The following GARRE1 variants were observed in gnomAD, a reference collection of about 807,000 sequenced individuals.
GARRE1 encodes granule associated Rac and RHOG effector protein 1.
GARRE1 carries 49 observed loss-of-function variants against 103.2 expected under a neutral mutation model. The ratio of observed to expected loss-of-function variants is 0.47; its 90% confidence interval spans 0.38 to 0.60. GARRE1 has a LOEUF of 0.60. Ranked by LOEUF, GARRE1 falls within the 20% of genes least tolerant of loss-of-function variation. The pLI is 0.00. For synonymous variants in GARRE1, 505 were observed against 532.8 expected, an observed-to-expected ratio of 0.95 and a Z score of 0.72; for missense variants, 1,199 against 1,370.5, an observed-to-expected ratio of 0.87 and a Z score of 1.98.
At chr19:34,256,138 C>A (rs1253158280) in intron 1 of GARRE1, among the ~76,000 whole-genome samples, 5 of 151,760 alleles carry the variant, frequency 3.3e-5, no homozygotes, top group Admixed American at 6.6e-5. Context: ...CGTGTCCGGC[C>A]GTAACGTTCA....
chr19:34,267,496 G>A (rs752692510), intron 1 of GARRE1, among the ~76,000 whole-genome samples: 9 of 151,706 alleles, frequency 5.9e-5, no homozygotes, highest in Non-Finnish European at 1.0e-4. Context: ...ATGAGCCACC[G>A]TGCCCAGCCA....
chr19:34,302,981 G>A (rs898413669), intron 2 of GARRE1, among the ~76,000 whole-genome samples: 1 of 151,870 alleles, frequency 6.6e-6, no homozygotes, highest in African/African-American at 2.4e-5. Flanking sequence ...CTGAGCTTAG[G>A]CAATCCACCC....
At chr19:34,324,847 C>T (rs1241982596) in intron 3 of GARRE1, among the ~76,000 whole-genome samples, 1 of 152,034 alleles carries the variant, frequency 6.6e-6, no homozygotes, top group Non-Finnish European at 1.5e-5. Context: ...AGCGTGTGAT[C>T]CTTGTGCATA....
rs1027867906 is a variant in GARRE1 at position 34,336,422 on chromosome 19, C to CT, written c.1361+2630dup. ...TGTAAGATTTTTGTGTTACTAAATT[C>CT]TTTTTTTTTCTTTTGTAGTCAGTGT... On this transcript the variant is annotated intron_variant, in intron 8 of 13. Coordinates refer to ENST00000299505, the MANE Select transcript of GARRE1 (RefSeq NM_014686.5). Among the ~76,000 whole-genome samples, 44 of 148,568 alleles carry CT rather than the reference C, an allele frequency of 3.0e-4. No individual in the cohort carries two copies. The East Asian group carries it at 7.1e-3, about 24-fold the overall frequency.
intron 3 of GARRE1, among the ~76,000 whole-genome samples, chr19:34,325,815 T>G (rs148196445): frequency 0.015 from 2,223 of 152,240 alleles, 24 homozygotes; most frequent in South Asian, 0.026. Flanking sequence ...GGATGTGTCT[T>G]TCTTTGTTAC....
chr19:34,298,425 A>G (rs555180681), intron 1 of GARRE1, among the ~76,000 whole-genome samples: 35 of 151,230 alleles, frequency 2.3e-4, no homozygotes, highest in Middle Eastern at 3.4e-3. Context: ...AAAAAAAAAA[A>G]AAGTTGGCCA....
At chr19:34,348,896 G>A (rs1206471440) in intron 11 of GARRE1, 120 bp from the exon 12 acceptor site, 2 of 1,151,322 alleles carry the variant, frequency 1.7e-6, no homozygotes, top group African/African-American at 3.1e-5. Flanking sequence ...AGAAGGGAGA[G>A]ACAAGAGACC....
chr19:34,257,160 CTTTT>C (rs71165639), intron 1 of GARRE1, among the ~76,000 whole-genome samples: 5 of 149,888 alleles, frequency 3.3e-5, no homozygotes, highest in Non-Finnish European at 7.4e-5. Context: ...TTTAAGCATC[CTTTT>C]TTTTTTTTTT....
intron 1 of GARRE1, chr19:34,296,153 T>TA (rs1436571358): frequency 2.7e-5 from 5 of 186,030 alleles, no homozygotes; most frequent in African/African-American, 1.8e-4. Context: ...GATCCCTCGC[T>TA]TTTTTTTTTT....
At chr19:34,334,470 G>A (rs747096585) in intron 8 of GARRE1, among the ~76,000 whole-genome samples, 14 of 151,980 alleles carry the variant, frequency 9.2e-5, no homozygotes, top group African/African-American at 2.7e-4. Context: ...AGGCCAAGGC[G>A]GGCAGATCGC....
At position 34,342,458 on chromosome 19, in the gene GARRE1, A is replaced by G; in HGVS notation, c.2521+3A>G. Reference sequence around the variant, plus strand: ...GATTCTGCCTTTTGATCCTGCAGGTATGTGAGGCCTCCCATCCCTCGCCCA... The same window carrying G: ...GATTCTGCCTTTTGATCCTGCAGGTGTGTGAGGCCTCCCATCCCTCGCCCA... On this transcript the variant is annotated splice_donor_region_variant and intron_variant, in intron 10 of 13. Coordinates refer to ENST00000299505, the MANE Select transcript of GARRE1 (RefSeq NM_014686.5). 2 of 1,604,680 alleles carry G rather than the reference A, an allele frequency of 1.2e-6. No homozygotes were observed. The highest frequency in any genetic ancestry group is 1.7e-6 in the Non-Finnish European group (2 of 1,174,024).
chr19:34,256,189 T>C (rs577746174), intron 1 of GARRE1, among the ~76,000 whole-genome samples: 1 of 152,038 alleles, frequency 6.6e-6, no homozygotes, highest in African/African-American at 2.4e-5. Flanking sequence ...TTTGACATAT[T>C]TGGACAATTT....
chr19:34,330,901 A>ATT (rs35469834), intron 7 of GARRE1, among the ~76,000 whole-genome samples: 1 of 138,396 alleles, frequency 7.2e-6, no homozygotes. Context: ...CATCTGGCTA[A>ATT]TTTTTTTTTT....
chr19:34,336,470 T>C (rs1599779035), intron 8 of GARRE1, among the ~76,000 whole-genome samples: 1 of 18,654 alleles, frequency 5.4e-5, no homozygotes, highest in Non-Finnish European at 1.6e-4. Context: ...TGTTCCTGAA[T>C]TTTTTTTTTT....
rs770677162 is a variant in GARRE1, at chr19:34,319,925, C to T, written c.514C>T (p.Leu172=). The T allele has an allele frequency of 7.4e-6, 12 of 1,614,258 alleles. No homozygotes were observed. In the South Asian group the frequency reaches 1.2e-4, roughly 16 times the overall value. ...QDIEVLGRCF[L]TVVQVHFQFL... is the part of the protein sequence containing the mutation. ...TTCACAGGTGTTGGGGCGATGTTTC[C>T]TGACTGTGGTGCAAGTCCATTTCCA... The change falls in exon 3 of 14, where the codon CTG becomes TTG. Residue 172 remains leucine (L), a synonymous_variant. Transcript: ENST00000299505.
intron 8 of GARRE1, among the ~76,000 whole-genome samples, chr19:34,339,256 G>A (rs962384926): frequency 3.3e-5 from 5 of 152,148 alleles, no homozygotes; most frequent in African/African-American, 9.7e-5. Flanking sequence ...CTAACCAATC[G>A]GCTATAAGTT....
intron 10 of GARRE1, among the ~76,000 whole-genome samples, chr19:34,345,778 C>T (rs943940291): frequency 3.3e-5 from 5 of 152,190 alleles, no homozygotes; most frequent in Admixed American, 6.5e-5. Flanking sequence ...GCTGAGATCA[C>T]GCCACTGCAC....
At chr19:34,311,198 C>T (rs1395639863) in intron 2 of GARRE1, among the ~76,000 whole-genome samples, 1 of 152,038 alleles carries the variant, frequency 6.6e-6, no homozygotes, top group Admixed American at 6.6e-5. Context: ...CATTACATTG[C>T]CCAAGCTGCC....
Position 34,348,996 on chromosome 19 carries a change from C to A in GARRE1, c.2688-20C>A, listed in dbSNP as rs763624733. 8.7e-6 allele frequency: 14 copies of A among 1,607,920 alleles called. No homozygotes were observed. Among genetic ancestry groups the A allele is most frequent in the Non-Finnish European group, 1.1e-5 (13 of 1,179,690 alleles). On this transcript the variant is annotated intron_variant, in intron 11 of 13. Coordinates refer to ENST00000299505, the MANE Select transcript of GARRE1 (RefSeq NM_014686.5). ...GGGGCTGCAGGAGGCCCTGGCCCAG[C>A]TTCTCTCTCTGGCTTTCAGGGATGG...
Sources: gnomAD v4.1 joint callset for allele counts (sites outside exome capture counted in the v4.1 genomes callset) on GRCh38, gnomAD v4.1.1 for gene constraint, MANE v1.5 for transcripts, NCBI Gene and HGNC (gene_info 2026-07-23, HGNC 2026-07-21) for gene names.